CNTNAP3B: variants seen among roughly 807,000 people sequenced by gnomAD.
CNTNAP3B encodes the protein contactin associated protein family member 3B, also known as contactin-associated protein-like 3B.
A neutral mutation model predicts 108.9 loss-of-function variants in CNTNAP3B; 25 were observed. That is an observed-to-expected ratio of 0.23 (90% CI 0.17 to 0.32). The LOEUF is 0.32. Among genes scored for constraint, CNTNAP3B ranks in the 10% least tolerant of loss-of-function variants. The pLI, the probability that CNTNAP3B is intolerant of heterozygous loss-of-function variation, is 1.00. For missense variants in CNTNAP3B, 252 were observed against 1,210.4 expected (o/e 0.21, Z 11.75); for synonymous variants, 103 against 473.4 (o/e 0.22, Z 10.16).
chr9:41,961,102 C>G (rs1430692320), intron 11 of CNTNAP3B, among the ~76,000 whole-genome samples: 6 of 152,296 alleles, frequency 3.9e-5, no homozygotes, highest in Admixed American at 3.9e-4. Flanking sequence ...AAAAAAATTA[C>G]CTAGTCAAAA....
chr9:41,935,628 C>T (rs1233504891), intron 14 of CNTNAP3B, among the ~76,000 whole-genome samples: 1 of 152,254 alleles, frequency 6.6e-6, no homozygotes, highest in African/African-American at 2.4e-5. Context: ...CATACACACC[C>T]CCACATTTAC....
intron 12 of CNTNAP3B, among the ~76,000 whole-genome samples, chr9:41,957,946 T>C (rs1241466492): frequency 6.6e-6 from 1 of 152,164 alleles, no homozygotes; most frequent in African/African-American, 2.4e-5. Flanking sequence ...GTATTTTTAG[T>C]AGAGACAGGG....
At chr9:41,940,380 C>T (rs922755134) in intron 13 of CNTNAP3B, among the ~76,000 whole-genome samples, 1 of 152,284 alleles carries the variant, frequency 6.6e-6, no homozygotes, top group Non-Finnish European at 1.5e-5. Flanking sequence ...TGTAAAAGAA[C>T]CCTAATTTGA....
At chr9:41,917,068 A>C (rs1823536094) in intron 18 of CNTNAP3B, among the ~76,000 whole-genome samples, 1 of 152,298 alleles carries the variant, frequency 6.6e-6, no homozygotes, top group African/African-American at 2.4e-5. Context: ...TCTTAGATTA[A>C]TGATTTTTAT....
intron 13 of CNTNAP3B, among the ~76,000 whole-genome samples, chr9:41,942,015 C>T (rs571574978): frequency 4.6e-5 from 7 of 152,412 alleles, no homozygotes; most frequent in Non-Finnish European, 8.8e-5. Flanking sequence ...CCCCAAAAAG[C>T]TAGTTTACTA....
rs1283909206 is a variant in CNTNAP3B at position 42,095,224 on chromosome 9, T to C, written c.196+9405A>G. ...TAACCACCATTCTACTCTCTACTTCTGTGAGCACTGTCTTTAAATTCCACA... is the reference window on the plus strand; with the variant it reads ...TAACCACCATTCTACTCTCTACTTCCGTGAGCACTGTCTTTAAATTCCACA... On this transcript the variant is annotated intron_variant, in intron 2 of 23. Coordinates refer to ENST00000377561, the MANE Select transcript of CNTNAP3B (RefSeq NM_001201380.3). Among the ~76,000 whole-genome samples, 28 of 137,930 alleles carry C rather than the reference T, an allele frequency of 2.0e-4. 1 individual carries two copies. Among genetic ancestry groups the C allele is most frequent in the Non-Finnish European group, 3.1e-5 (2 of 64,788 alleles). The allele number at this position is 137,930 out of a possible 152,430, so 90.5% of individuals were successfully genotyped here. A position where few individuals can be genotyped will look rare whatever the true frequency, so the allele number is the denominator to read the frequency against.
intron 13 of CNTNAP3B, among the ~76,000 whole-genome samples, chr9:41,952,304 G>C (rs62536504): frequency 9.0e-3 from 1,358 of 151,392 alleles, no homozygotes; most frequent in East Asian, 0.033. Flanking sequence ...ACAAGGTGTT[G>C]CTCTGCTGCC....
At chr9:41,964,088 T>C (rs1825190568) in intron 11 of CNTNAP3B, among the ~76,000 whole-genome samples, 2 of 152,306 alleles carry the variant, frequency 1.3e-5, no homozygotes, top group Admixed American at 1.3e-4. Flanking sequence ...CATGATTGCA[T>C]CATCCCAGTG....
intron 13 of CNTNAP3B, among the ~76,000 whole-genome samples, chr9:41,951,670 CT>C (rs1219560641): frequency 6.6e-5 from 10 of 152,024 alleles, no homozygotes; most frequent in South Asian, 4.1e-4. Flanking sequence ...GCAACCAGAC[CT>C]TTGCTCTTTC....
At chr9:42,128,256 T>C (rs536876591) in intron 1 of CNTNAP3B, among the ~76,000 whole-genome samples, 1 of 140,200 alleles carries the variant, frequency 7.1e-6, no homozygotes, top group South Asian at 2.3e-4. Flanking sequence ...TATATTAGAA[T>C]CATAGCCCAT....
In CNTNAP3B at chr9:41,986,326, A is replaced by C. The variant is rs568854114; in HGVS notation, c.1334-15T>G. The C allele has an allele frequency of 8.8e-7, 1 of 1,133,064 alleles. No homozygotes were observed. The highest frequency in any genetic ancestry group is 1.2e-6 in the Non-Finnish European group (1 of 833,696). The allele number at this position is 1,133,064 out of a possible 1,614,324, so 70.2% of individuals were successfully genotyped here. Reference sequence around the variant, plus strand: ...TAATCCAGCACCTGGAGGAAATACAATCAGTCAGAGACAACTCTAAATTAT... The same window carrying C: ...TAATCCAGCACCTGGAGGAAATACACTCAGTCAGAGACAACTCTAAATTAT... On this transcript the variant is annotated splice_polypyrimidine_tract_variant and intron_variant, in intron 8 of 23. Transcript: ENST00000377561.
At position 41,988,238 on chromosome 9, in the gene CNTNAP3B, A is replaced by ATTTT. The variant is rs1209677991; in HGVS notation, c.1334-1931_1334-1928dup. Among the ~76,000 whole-genome samples the ATTTT allele has an allele frequency of 2.0e-3, 51 of 25,882 alleles. 6 individuals are homozygous for ATTTT. The highest frequency in any genetic ancestry group is 2.5e-3 in the Non-Finnish European group (33 of 13,122). The allele number at this position is 25,882 out of a possible 152,430, so 17.0% of individuals were successfully genotyped here. On this transcript the variant is annotated intron_variant, in intron 8 of 23. Coordinates refer to ENST00000377561, the MANE Select transcript of CNTNAP3B (RefSeq NM_001201380.3). Reference sequence around the variant, plus strand: ...TTTCTGTGCCTTTTACCTTCTTTGAATTTTTTTTTTTTTTTTTTTTTTTTT... The same window carrying ATTTT: ...TTTCTGTGCCTTTTACCTTCTTTGAATTTTTTTTTTTTTTTTTTTTTTTTTTTTT...
chr9:41,997,227 A>C (rs1338174122), intron 6 of CNTNAP3B, among the ~76,000 whole-genome samples: 2 of 150,944 alleles, frequency 1.3e-5, no homozygotes, highest in Non-Finnish European at 3.0e-5. Flanking sequence ...ATCCCCCAGG[A>C]ATCTGCATAG....
intron 2 of CNTNAP3B, among the ~76,000 whole-genome samples, chr9:42,079,710 C>T (rs1167618730): frequency 7.3e-6 from 1 of 137,184 alleles, no homozygotes; most frequent in African/African-American, 2.9e-5. Flanking sequence ...TTAGTAGAGA[C>T]GGGGTTTCAC....
At chr9:41,983,978 G>A (rs1281002519) in intron 9 of CNTNAP3B, among the ~76,000 whole-genome samples, 3 of 99,326 alleles carry the variant, frequency 3.0e-5, no homozygotes, top group African/African-American at 7.9e-5. Context: ...TGAACCTGGC[G>A]GTGCAGAGCT....
intron 3 of CNTNAP3B, among the ~76,000 whole-genome samples, chr9:42,069,756 TA>T (rs1827332333): frequency 8.4e-6 from 1 of 118,782 alleles, no homozygotes; most frequent in South Asian, 2.8e-4. Flanking sequence ...TATACATCTT[TA>T]TCTATATTAT....
chr9:42,110,318 C>A (rs1460730394), intron 1 of CNTNAP3B, among the ~76,000 whole-genome samples: 1 of 136,952 alleles, frequency 7.3e-6, no homozygotes, highest in African/African-American at 2.9e-5. Flanking sequence ...CCCATGCTTG[C>A]GGCTGCACTT....
intron 3 of CNTNAP3B, among the ~76,000 whole-genome samples, chr9:42,045,800 G>T (rs1049020683): frequency 7.3e-6 from 1 of 137,556 alleles, no homozygotes; most frequent in African/African-American, 2.8e-5. Context: ...ACACAGAATA[G>T]CAATCTGCAT....
At chr9:41,965,152 C>A (rs1294990373) in intron 10 of CNTNAP3B, among the ~76,000 whole-genome samples, 1 of 152,298 alleles carries the variant, frequency 6.6e-6, no homozygotes, top group Non-Finnish European at 1.5e-5. Flanking sequence ...TCGGTTATTG[C>A]TTTTTAAGCA....
Sources: gnomAD v4.1 joint callset for allele counts (sites outside exome capture counted in the v4.1 genomes callset) on GRCh38, gnomAD v4.1.1 for gene constraint, MANE v1.5 for transcripts, NCBI Gene and HGNC (gene_info 2026-07-23, HGNC 2026-07-21) for gene names.